Variants in CDH13 observed in about 807,000 individuals in gnomAD.
CDH13 encodes the protein cadherin 13.
In CDH13, 24 loss-of-function variants were observed where a neutral mutation model predicts 63.8. The observed-to-expected ratio is 0.38, with a 90% CI of 0.27 to 0.53. The LOEUF is 0.53. Ranked by LOEUF, CDH13 falls within the 20% of genes least tolerant of loss-of-function variation. CDH13 has a pLI of 0.85. For missense variants in CDH13, 1,049 were observed against 903.1 expected (o/e 1.16, Z -2.07); for synonymous variants, 503 against 355.3 (o/e 1.42, Z -4.67).
Position 83,278,209 on chromosome 16 carries a change from A to G in CDH13, c.636+60712A>G, listed in dbSNP as rs372608355. 1.1e-4 allele frequency among the ~76,000 whole-genome samples: 17 copies of G among 152,330 alleles called. No individual in the cohort carries two copies. The South Asian group carries it at 3.5e-3, about 32-fold the overall frequency. ...GAACCAAATCCATCTGGATTTTTAA[A>G]AAGTACAACCCCAGGAATTTTGTGA... is the stretch of plus-strand genomic sequence containing the variant. On this transcript the variant is annotated intron_variant, in intron 5 of 13. Coordinates refer to ENST00000567109, the MANE Select transcript of CDH13 (RefSeq NM_001257.5).
At chr16:83,345,097 C>T in intron 6 of CDH13, 91 bp downstream of exon 6, 1 of 1,417,432 alleles carries the variant, frequency 7.1e-7, no homozygotes. Context: ...TATGGCTGTT[C>T]CAACTTGTCA....
At chr16:83,195,762 G>A (rs56347047) in intron 4 of CDH13, among the ~76,000 whole-genome samples, 2,306 of 152,232 alleles carry the variant, frequency 0.015, 62 homozygotes, top group African/African-American at 0.052. Context: ...ATACAGCAGG[G>A]GAGAGATACA....
chr16:82,707,175 G>C (rs78500548), intron 1 of CDH13, among the ~76,000 whole-genome samples: 1 of 152,294 alleles, frequency 6.6e-6, no homozygotes, highest in African/African-American at 2.4e-5. Context: ...GTTGTATCAA[G>C]CTTAACTAAT....
chr16:83,786,389 C>G (rs541281724), intron 13 of CDH13, among the ~76,000 whole-genome samples: 4 of 152,260 alleles, frequency 2.6e-5, no homozygotes, highest in Admixed American at 2.6e-4. Flanking sequence ...AATTCCTGAG[C>G]TCAGTGCCCT....
chr16:83,373,730 T>C (rs571487887), intron 6 of CDH13, among the ~76,000 whole-genome samples: 1 of 152,346 alleles, frequency 6.6e-6, no homozygotes, highest in South Asian at 2.1e-4. Flanking sequence ...ATCTCCGCTT[T>C]ACCTTTCACT....
At position 83,798,226 on chromosome 16, in the gene CDH13, GTCTTAA is replaced by G. The variant is rs904630935; in HGVS notation, c.*3203_*3208del. ...CATTTTACCCAAATAAATACACTGG[GTCTTAA>G]TCTTAAGATGTGACAACTAAAAAAT... On this transcript the variant is annotated 3_prime_UTR_variant, in exon 14 of 14. Coordinates refer to ENST00000567109, the MANE Select transcript of CDH13 (RefSeq NM_001257.5). 1 of 152,112 alleles carries G rather than the reference GTCTTAA, an allele frequency of 6.6e-6. No homozygotes were observed. The highest frequency in any genetic ancestry group is 2.4e-5 in the African/African-American group (1 of 41,434). 9.4% of individuals were successfully genotyped at this position (152,112 alleles called of 1,614,324 possible).
intron 4 of CDH13, among the ~76,000 whole-genome samples, chr16:83,190,987 G>T (rs965888407): frequency 1.3e-5 from 2 of 151,584 alleles, no homozygotes; most frequent in African/African-American, 4.8e-5. Flanking sequence ...GTTTGGGGTG[G>T]GAATGTTCTT....
At chr16:83,300,387 C>T (rs1366812745) in intron 5 of CDH13, among the ~76,000 whole-genome samples, 1 of 152,214 alleles carries the variant, frequency 6.6e-6, no homozygotes, top group Non-Finnish European at 1.5e-5. Flanking sequence ...TTGCAGCTTA[C>T]AACATACAGT....
intron 1 of CDH13, among the ~76,000 whole-genome samples, chr16:82,802,938 C>T (rs575317670): frequency 2.2e-4 from 33 of 152,204 alleles, no homozygotes; most frequent in Non-Finnish European, 3.8e-4. Context: ...CCACCCACTA[C>T]GGTGTCCCAT....
At chr16:83,314,398 C>G (rs191304450) in intron 5 of CDH13, among the ~76,000 whole-genome samples, 2 of 152,000 alleles carry the variant, frequency 1.3e-5, no homozygotes, top group Admixed American at 1.3e-4. Flanking sequence ...ATTAATAAGA[C>G]AAGCAGTTTT....
At chr16:83,750,019 T>C (rs417279) in intron 11 of CDH13, among the ~76,000 whole-genome samples, 118,327 of 152,142 alleles carry the variant, frequency 0.78, 46,405 homozygotes, top group African/African-American at 0.88. Context: ...TCATGTTGGC[T>C]GGGCACGGTG....
chr16:82,937,017 C>T (rs922867621), intron 2 of CDH13, among the ~76,000 whole-genome samples: 2 of 152,100 alleles, frequency 1.3e-5, no homozygotes, highest in Admixed American at 1.3e-4. Flanking sequence ...AAACCACAGG[C>T]TGGTGTTTAG....
At chr16:82,805,819 A>T (rs2037111887) in intron 1 of CDH13, among the ~76,000 whole-genome samples, 1 of 152,144 alleles carries the variant, frequency 6.6e-6, no homozygotes, top group Non-Finnish European at 1.5e-5. Context: ...CAGACAGAGA[A>T]ATAAGGATGT....
intron 11 of CDH13, among the ~76,000 whole-genome samples, chr16:83,777,209 A>G (rs1053804551): frequency 2.0e-5 from 3 of 152,164 alleles, no homozygotes; most frequent in East Asian, 3.8e-4. Context: ...GTCAGATCAG[A>G]TTGTTCCTGG....
Position 83,105,467 on chromosome 16 carries a change from G to A in CDH13, c.367-19918G>A, listed in dbSNP as rs181757699. On this transcript the variant is annotated intron_variant, in intron 3 of 13. Transcript: ENST00000567109. ...GTTTATGAGGCAATTCGGCTGCCAG[G>A]GAGAGGAGAACAGTGTCCCTTCCAA... Among the ~76,000 whole-genome samples, 328 of 152,248 alleles carry A rather than the reference G, an allele frequency of 2.2e-3. 1 individual carries two copies. Among genetic ancestry groups the A allele is most frequent in the Admixed American group, 3.8e-3 (58 of 15,294 alleles).
At chr16:83,770,320 T>C (rs541051491) in intron 11 of CDH13, among the ~76,000 whole-genome samples, 3 of 152,324 alleles carry the variant, frequency 2.0e-5, no homozygotes, top group East Asian at 3.9e-4. Context: ...CTGGCTCTTA[T>C]GGACGGGGAA....
At chr16:83,431,280 G>A (rs143495379) in intron 6 of CDH13, among the ~76,000 whole-genome samples, 72 of 151,798 alleles carry the variant, frequency 4.7e-4, no homozygotes, top group East Asian at 4.5e-3. Flanking sequence ...ATAAACATAC[G>A]TACACACCAG....
intron 4 of CDH13, among the ~76,000 whole-genome samples, chr16:83,215,645 G>C (rs1264829098): frequency 6.6e-6 from 1 of 151,892 alleles, no homozygotes; most frequent in Non-Finnish European, 1.5e-5. Context: ...GGGGGTGGTG[G>C]GGTGGTGGAG....
intron 5 of CDH13, among the ~76,000 whole-genome samples, chr16:83,344,270 G>A (rs546496674): frequency 2.0e-5 from 3 of 152,168 alleles, no homozygotes; most frequent in African/African-American, 7.2e-5. Context: ...AGATCTGAAA[G>A]TAGTTCCCTA....
Sources: gnomAD v4.1 joint callset for allele counts (sites outside exome capture counted in the v4.1 genomes callset) on GRCh38, gnomAD v4.1.1 for gene constraint, MANE v1.5 for transcripts, NCBI Gene and HGNC (gene_info 2026-07-23, HGNC 2026-07-21) for gene names.